The following SLC30A8 variants were observed in gnomAD, a reference collection of about 807,000 sequenced individuals.
The protein encoded by SLC30A8 is solute carrier family 30 member 8.
In SLC30A8, 27 loss-of-function variants were observed where a neutral mutation model predicts 36.9. The observed-to-expected ratio is 0.73, with a 90% CI of 0.54 to 1.01. SLC30A8 has a LOEUF of 1.01. SLC30A8 is among the 50% of genes least tolerant of loss of function. The pLI is 0.00. For synonymous variants in SLC30A8, 164 were observed against 172.4 expected, an observed-to-expected ratio of 0.95 and a Z score of 0.38; for missense variants, 439 against 452.0, an observed-to-expected ratio of 0.97 and a Z score of 0.26.
chr8:116,994,881 G>A (rs773888923), intron 1 of SLC30A8, among the ~76,000 whole-genome samples: 4 of 152,042 alleles, frequency 2.6e-5, no homozygotes, highest in African/African-American at 4.8e-5. Flanking sequence ...TAGAGGAAGG[G>A]CTCTTTTTAA....
chr8:117,173,381 C>A lies in SLC30A8; in HGVS notation c.*700C>A, dbSNP rs1218182610. 6.6e-6 allele frequency: 1 copy of A among 152,106 alleles called. No individual in the cohort carries two copies. The highest frequency in any genetic ancestry group is 1.5e-5 in the Non-Finnish European group (1 of 68,008). The allele number at this position is 152,106 out of a possible 1,614,324, so 9.4% of individuals were successfully genotyped here. A position where few individuals can be genotyped will look rare whatever the true frequency, so the allele number is the denominator to read the frequency against. On this transcript the variant is annotated 3_prime_UTR_variant, in exon 8 of 8. Coordinates refer to ENST00000456015, the MANE Select transcript of SLC30A8 (RefSeq NM_173851.3). The stretch of plus-strand genomic sequence containing the variant: ...CTACCAGAGTGCTTAAACACTGGCA[C>A]CAGCCAAAGAATGTGGTTGTAGAGA...
chr8:116,981,172 G>T (rs1186095726), intron 1 of SLC30A8, among the ~76,000 whole-genome samples: 1 of 152,188 alleles, frequency 6.6e-6, no homozygotes, highest in African/African-American at 2.4e-5. Context: ...GCGGTGATGT[G>T]TTGGCTGGAA....
intron 1 of SLC30A8, among the ~76,000 whole-genome samples, chr8:117,006,424 T>A (rs939007992): frequency 2.6e-5 from 4 of 152,142 alleles, no homozygotes; most frequent in African/African-American, 9.7e-5. Context: ...AGGAAAGATG[T>A]TTCTTTCTTC....
At chr8:116,993,872 G>T (rs1318603037) in intron 1 of SLC30A8, among the ~76,000 whole-genome samples, 1 of 151,662 alleles carries the variant, frequency 6.6e-6, no homozygotes, top group Non-Finnish European at 1.5e-5. Context: ...CAAGCAAGAG[G>T]CTATTATAAA....
At chr8:117,048,274 A>AG (rs1259559931) in intron 2 of SLC30A8, among the ~76,000 whole-genome samples, 1 of 152,320 alleles carries the variant, frequency 6.6e-6, no homozygotes, top group East Asian at 1.9e-4. Flanking sequence ...GGGACTGATC[A>AG]GGCTGGAAAG....
intron 2 of SLC30A8, among the ~76,000 whole-genome samples, chr8:117,062,637 C>T (rs556671611): frequency 4.6e-5 from 7 of 152,246 alleles, no homozygotes; most frequent in East Asian, 1.9e-4. Flanking sequence ...AACCACATTA[C>T]GTGGGAAGGA....
At chr8:117,045,483 G>C (rs1010945960) in intron 2 of SLC30A8, among the ~76,000 whole-genome samples, 1 of 152,158 alleles carries the variant, frequency 6.6e-6, no homozygotes, top group African/African-American at 2.4e-5. Flanking sequence ...AACACAGCTA[G>C]CCTGGGTTAA....
chr8:117,059,229 A>G (rs1360779793), intron 2 of SLC30A8, among the ~76,000 whole-genome samples: 1 of 152,230 alleles, frequency 6.6e-6, no homozygotes, highest in Non-Finnish European at 1.5e-5. Flanking sequence ...TGTTATTAAT[A>G]TGACTTCAGG....
At chr8:117,027,736 C>G (rs982456073) in intron 1 of SLC30A8, among the ~76,000 whole-genome samples, 11 of 152,122 alleles carry the variant, frequency 7.2e-5, no homozygotes, top group Non-Finnish European at 1.6e-4. Flanking sequence ...ATAAAATTCT[C>G]ATTTCTTCAT....
chr8:117,110,945 C>A (rs889497660), intron 2 of SLC30A8, among the ~76,000 whole-genome samples: 5 of 152,052 alleles, frequency 3.3e-5, no homozygotes, highest in Middle Eastern at 3.2e-3. Flanking sequence ...TAATTGTAGG[C>A]AAGTCCATGA....
At chr8:117,009,707 G>A (rs1322018532) in intron 1 of SLC30A8, among the ~76,000 whole-genome samples, 1 of 152,188 alleles carries the variant, frequency 6.6e-6, no homozygotes, top group African/African-American at 2.4e-5. Context: ...AGTTTATTTT[G>A]CTGGGGAGAC....
chr8:116,990,934 C>T (rs1333772332), intron 1 of SLC30A8, among the ~76,000 whole-genome samples: 1 of 151,908 alleles, frequency 6.6e-6, no homozygotes, highest in African/African-American at 2.4e-5. Context: ...CTGTGTGTGT[C>T]TGAGACAGAA....
At chr8:117,090,932 G>C (rs1390545301) in intron 2 of SLC30A8, among the ~76,000 whole-genome samples, 1 of 152,166 alleles carries the variant, frequency 6.6e-6, no homozygotes, top group Non-Finnish European at 1.5e-5. Context: ...GCAACACCCA[G>C]TTCAGTACCT....
intron 1 of SLC30A8, among the ~76,000 whole-genome samples, chr8:117,038,847 T>C (rs1486207623): frequency 6.6e-6 from 1 of 152,238 alleles, no homozygotes; most frequent in Non-Finnish European, 1.5e-5. Context: ...AGCTTGTTGT[T>C]AGGTCATCAC....
chr8:117,161,639 C>T (rs1472309349), intron 4 of SLC30A8, 99 bp from the exon 5 acceptor site: 1 of 1,117,334 alleles, frequency 8.9e-7, no homozygotes, highest in Admixed American at 2.4e-5. Context: ...AACTATCCAT[C>T]ATTTTGGATA....
upstream of SLC30A8, chr8:116,950,464 CCTAT>C (rs1473832552): frequency 1.3e-5 from 2 of 152,216 alleles, no homozygotes; most frequent in Admixed American, 6.5e-5. Context: ...AGACCTACTA[CCTAT>C]CTGATTCTGT....
chr8:117,159,704 A>ACT (rs1822679512), intron 4 of SLC30A8, among the ~76,000 whole-genome samples: 2 of 152,190 alleles, frequency 1.3e-5, no homozygotes, highest in Non-Finnish European at 2.9e-5. Context: ...CGGGTCAATA[A>ACT]AGTCCGCTTT....
chr8:117,148,365 A>T (rs2130970013), intron 2 of SLC30A8, among the ~76,000 whole-genome samples: 1 of 152,120 alleles, frequency 6.6e-6, no homozygotes, highest in African/African-American at 2.4e-5. Flanking sequence ...ATATTTCTTT[A>T]ATCACTTATC....
chr8:117,006,619 A>G (rs759805423), intron 1 of SLC30A8, among the ~76,000 whole-genome samples: 28 of 151,984 alleles, frequency 1.8e-4, no homozygotes, highest in Non-Finnish European at 3.1e-4. Flanking sequence ...TTGGCTTGGA[A>G]AAAGTGGGGG....
Sources: gnomAD v4.1 joint callset for allele counts (sites outside exome capture counted in the v4.1 genomes callset) on GRCh38, gnomAD v4.1.1 for gene constraint, MANE v1.5 for transcripts, NCBI Gene and HGNC (gene_info 2026-07-23, HGNC 2026-07-21) for gene names.